SLIT3: variants seen among roughly 807,000 people sequenced by gnomAD.
SLIT3 encodes the protein slit guidance ligand 3, also known as slit homolog 3 protein.
Under a neutral mutation model 184.0 loss-of-function variants are expected in SLIT3, and 68 were observed. The ratio of observed to expected loss-of-function variants is 0.37; its 90% CI spans 0.30 to 0.45. SLIT3 has a LOEUF of 0.45. Ranked by LOEUF, SLIT3 falls within the 20% of genes least tolerant of loss-of-function variation. The pLI, the probability that SLIT3 is intolerant of heterozygous loss-of-function variation, is 1.00. For missense variants in SLIT3, 1,707 were observed against 2,026.0 expected, an observed-to-expected ratio of 0.84 and a Z score of 3.02; for synonymous variants, 831 against 828.6, an observed-to-expected ratio of 1.00 and a Z score of -0.05.
At chr5:168,762,801 AGGGGT>A in intron 14 of SLIT3, 112 bp from the exon 15 acceptor site, 1 of 1,053,582 alleles carries the variant, frequency 9.5e-7, no homozygotes, top group Non-Finnish European at 1.4e-6. Context: ...GGGGGCTGTT[AGGGGT>A]CAAGTAACAG....
At chr5:168,817,498 A>C (rs770281875) in intron 7 of SLIT3, 35 bp from the exon 8 acceptor site, 48 of 1,575,790 alleles carry the variant, frequency 3.0e-5, no homozygotes, top group Non-Finnish European at 5.1e-6. Flanking sequence ...AGGCATGGTC[A>C]CAGGTGAAGT....
intron 4 of SLIT3, among the ~76,000 whole-genome samples, chr5:168,977,211 C>T (rs62377256): frequency 0.017 from 2,528 of 152,164 alleles, 161 homozygotes; most frequent in Admixed American, 0.11. Flanking sequence ...GGAGTGGTAA[C>T]GACAGTGGCA....
chr5:169,299,786 G>A (rs1050245277), intron 1 of SLIT3, among the ~76,000 whole-genome samples: 3 of 152,214 alleles, frequency 2.0e-5, no homozygotes, highest in Non-Finnish European at 4.4e-5. Context: ...CAGGATCTGA[G>A]GCTGAGTGCG....
rs1322694196 is a variant in SLIT3, at chr5:168,707,904, G to A, written c.2844+72C>T. The A allele has an allele frequency of 1.5e-5, 24 of 1,584,670 alleles. No individual in the cohort carries two copies. In the Admixed American group the frequency reaches 4.1e-4, roughly 27 times the overall value. ...GAAGGGAGGGTACGCAGGGCATGGT[G>A]CCCCTCTCTAGGGCCAGGGCTGAAG... On this transcript the variant is annotated intron_variant, in intron 26 of 35. Coordinates refer to ENST00000519560, the MANE Select transcript of SLIT3 (RefSeq NM_003062.4).
At chr5:169,145,206 G>C (rs1376826062) in intron 4 of SLIT3, among the ~76,000 whole-genome samples, 2 of 152,134 alleles carry the variant, frequency 1.3e-5, no homozygotes, top group African/African-American at 4.8e-5. Flanking sequence ...GAATTGCCGG[G>C]CTCTGGAGAA....
chr5:169,256,930 G>A (rs1421549899), intron 1 of SLIT3, among the ~76,000 whole-genome samples: 1 of 151,990 alleles, frequency 6.6e-6, no homozygotes, highest in Non-Finnish European at 1.5e-5. Flanking sequence ...ATGATGTTAG[G>A]TTACTAATCA....
At chr5:169,283,190 A>C (rs1219746491) in intron 1 of SLIT3, among the ~76,000 whole-genome samples, 1 of 152,176 alleles carries the variant, frequency 6.6e-6, no homozygotes, top group African/African-American at 2.4e-5. Context: ...TTCTCCCCAG[A>C]AGTTTGTTGT....
At chr5:168,766,744 AG>A (rs556313701) in intron 14 of SLIT3, among the ~76,000 whole-genome samples, 14 of 152,340 alleles carry the variant, frequency 9.2e-5, no homozygotes, top group Admixed American at 4.6e-4. Flanking sequence ...CCTCTCTGTA[AG>A]GTGGGAAAGG....
chr5:168,700,596 G>T lies in SLIT3; in HGVS notation c.2928C>A (p.His976Gln). ...HGGTCHLSDS[H>Q]KDGFSCSCPL... ...TGAACTGTTACCTGAACCCATCCTT[G>T]TGGCTGTCACTCAGGTGGCAGGTGC... Residue 976 changes from histidine (H) to glutamine (Q), a missense_variant, in exon 27 of 36, where the codon CAC becomes CAA. His to Gln is a conservative substitution (Grantham distance 24). Transcript: ENST00000519560. 8 of 1,613,826 alleles carry T rather than the reference G, an allele frequency of 5.0e-6. No homozygotes were observed. Among genetic ancestry groups the T allele is most frequent in the Non-Finnish European group, 5.9e-6 (7 of 1,179,712 alleles).
At chr5:169,143,616 T>A (rs1213130554) in intron 4 of SLIT3, among the ~76,000 whole-genome samples, 1 of 152,188 alleles carries the variant, frequency 6.6e-6, no homozygotes, top group Admixed American at 6.5e-5. Flanking sequence ...CCAGCCAACA[T>A]GGCGAAAACC....
At chr5:168,851,991 C>T (rs1758697922) in intron 5 of SLIT3, among the ~76,000 whole-genome samples, 1 of 152,180 alleles carries the variant, frequency 6.6e-6, no homozygotes, top group Non-Finnish European at 1.5e-5. Context: ...AAACATTGGG[C>T]CTTGCATTCT....
At chr5:169,027,545 C>T (rs1313718038) in intron 4 of SLIT3, among the ~76,000 whole-genome samples, 11 of 152,186 alleles carry the variant, frequency 7.2e-5, no homozygotes, top group Admixed American at 6.5e-4. Flanking sequence ...AAGCAAATGA[C>T]TTGCTCCACT....
intron 4 of SLIT3, among the ~76,000 whole-genome samples, chr5:168,903,023 GTTC>G (rs1760923229): frequency 6.6e-6 from 1 of 152,178 alleles, no homozygotes; most frequent in Non-Finnish European, 1.5e-5. Context: ...AGAGAGTGTA[GTTC>G]TTCATTGACT....
At chr5:169,156,091 T>G (rs535194346) in intron 4 of SLIT3, among the ~76,000 whole-genome samples, 58 of 152,356 alleles carry the variant, frequency 3.8e-4, no homozygotes, top group Non-Finnish European at 6.2e-4. Context: ...TCATGAAAAC[T>G]TATTAACTTC....
chr5:168,801,922 C>T (rs559578486), intron 9 of SLIT3, among the ~76,000 whole-genome samples: 4 of 152,290 alleles, frequency 2.6e-5, no homozygotes, highest in African/African-American at 9.6e-5. Flanking sequence ...TGAAGAGAGT[C>T]TGCGAGACTG....
At chr5:168,695,646 G>A (rs964864022) in intron 28 of SLIT3, among the ~76,000 whole-genome samples, 1 of 152,088 alleles carries the variant, frequency 6.6e-6, no homozygotes. Flanking sequence ...CCTTTTTAGG[G>A]GTTATTAATG....
intron 20 of SLIT3, among the ~76,000 whole-genome samples, chr5:168,746,018 T>C (rs1030440778): frequency 6.6e-6 from 1 of 152,176 alleles, no homozygotes; most frequent in Admixed American, 6.6e-5. Flanking sequence ...GGTACATTGG[T>C]TTTTTTCCAA....
At chr5:169,118,824 C>T (rs1278972970) in intron 4 of SLIT3, among the ~76,000 whole-genome samples, 2 of 152,220 alleles carry the variant, frequency 1.3e-5, no homozygotes, top group East Asian at 3.8e-4. Context: ...TGATGGTATT[C>T]TTTCCCTGAG....
intron 4 of SLIT3, among the ~76,000 whole-genome samples, chr5:169,163,266 A>G (rs1728967446): frequency 6.6e-6 from 1 of 152,168 alleles, no homozygotes; most frequent in Non-Finnish European, 1.5e-5. Flanking sequence ...GGTTGCAGTG[A>G]GCCAAGATTG....
Sources: gnomAD v4.1 joint callset for allele counts (sites outside exome capture counted in the v4.1 genomes callset) on GRCh38, gnomAD v4.1.1 for gene constraint, MANE v1.5 for transcripts, NCBI Gene and HGNC (gene_info 2026-07-23, HGNC 2026-07-21) for gene names.